PDE1A: variants seen among roughly 807,000 people sequenced by gnomAD.
PDE1A encodes the protein phosphodiesterase 1A.
Under a neutral mutation model 61.7 loss-of-function variants are expected in PDE1A, and 35 were observed. That is an observed-to-expected ratio of 0.57 (90% CI 0.43 to 0.75). The LOEUF is 0.75. PDE1A is among the 30% of genes least tolerant of loss of function. The pLI is 0.00. For synonymous variants in PDE1A, 232 were observed against 213.2 expected, an observed-to-expected ratio of 1.09 and a Z score of -0.77; for missense variants, 597 against 630.6, an observed-to-expected ratio of 0.95 and a Z score of 0.57.
intron 2 of PDE1A, among the ~76,000 whole-genome samples, chr2:182,467,062 A>G (rs1457448766): frequency 6.6e-6 from 1 of 151,780 alleles, no homozygotes; most frequent in African/African-American, 2.4e-5. Context: ...TGGGAAGGAG[A>G]AAGAAAGAAA....
intron 1 of PDE1A, among the ~76,000 whole-genome samples, chr2:182,364,488 A>ACAAACAACAAC (rs1268518939): frequency 6.9e-6 from 1 of 145,164 alleles, no homozygotes; most frequent in African/African-American, 2.6e-5. Flanking sequence ...AAAAAAAAAA[A>ACAAACAACAAC]AAAAAAAAAA....
intron 1 of PDE1A, among the ~76,000 whole-genome samples, chr2:182,363,581 G>A (rs2623439): frequency 0.79 from 120,059 of 152,002 alleles, 48,285 homozygotes; most frequent in East Asian, 1. Flanking sequence ...GGCAGAGGGA[G>A]TAACACACGC....
the PDE1A span, among the ~76,000 whole-genome samples, chr2:182,620,605 A>T: frequency 6.6e-6 from 1 of 152,230 alleles, no homozygotes; most frequent in Non-Finnish European, 1.5e-5. Flanking sequence ...AATGCTATGA[A>T]TCCAAGCCTC....
the PDE1A span, among the ~76,000 whole-genome samples, chr2:182,659,487 A>T: frequency 9.2e-5 from 14 of 152,222 alleles, no homozygotes; most frequent in Non-Finnish European, 2.1e-4. Context: ...TGAAATAGTC[A>T]TTCTTTGAAA....
intron 1 of PDE1A, among the ~76,000 whole-genome samples, chr2:182,310,050 T>C (rs1574315857): frequency 6.6e-6 from 1 of 152,240 alleles, no homozygotes; most frequent in East Asian, 1.9e-4. Flanking sequence ...ACAAGGAACA[T>C]ACTAAAGATA....
rs181797206 is a variant in PDE1A, at chr2:182,266,439, G to C, written c.54-2025C>G. On this transcript the variant is annotated intron_variant, in intron 1 of 13. Transcript: ENST00000351439. ...AAGATAGAGTTTTTGTTTTTCCATA[G>C]TCCTGCAATGGCTTAGAAATATACT... Among the ~76,000 whole-genome samples the C allele has an allele frequency of 5.9e-5, 9 of 152,198 alleles. No homozygotes were observed. In the East Asian group the frequency reaches 9.7e-4, roughly 16 times the overall value.
chr2:182,573,476 C>CA, the PDE1A span, among the ~76,000 whole-genome samples: 1 of 152,124 alleles, frequency 6.6e-6, no homozygotes, highest in East Asian at 1.9e-4. Flanking sequence ...CAGGGAAAAA[C>CA]AAACGAGGGG....
At chr2:182,142,472 T>C (rs538043413), downstream of PDE1A, 7 of 152,220 alleles carry the variant, frequency 4.6e-5, no homozygotes, top group Non-Finnish European at 1.0e-4. Context: ...TAATGCTCCA[T>C]TGTTGGACTG....
At chr2:182,217,945 T>C (rs1053204353) in intron 7 of PDE1A, among the ~76,000 whole-genome samples, 2 of 151,848 alleles carry the variant, frequency 1.3e-5, no homozygotes, top group Non-Finnish European at 2.9e-5. Flanking sequence ...CTATAAATCA[T>C]GCTGCTATAA....
At chr2:182,427,311 T>C (rs1345148547), upstream of PDE1A, among the ~76,000 whole-genome samples, 3 of 152,198 alleles carry the variant, frequency 2.0e-5, no homozygotes, top group Admixed American at 6.6e-5. Context: ...TATAATCTAA[T>C]AACCTCCTCT....
At chr2:182,390,492 T>C (rs545209099) in intron 1 of PDE1A, among the ~76,000 whole-genome samples, 21 of 152,292 alleles carry the variant, frequency 1.4e-4, no homozygotes, top group Admixed American at 4.6e-4. Flanking sequence ...GCTCCTAAGT[T>C]CACTGGATAA....
intron 1 of PDE1A, among the ~76,000 whole-genome samples, chr2:182,403,874 C>G (rs573021508): frequency 3.0e-4 from 46 of 152,086 alleles, no homozygotes; most frequent in African/African-American, 1.1e-3. Flanking sequence ...AGGATAAATA[C>G]CTAATGTAGA....
At chr2:182,154,970 T>A (rs1261478445) in intron 13 of PDE1A, among the ~76,000 whole-genome samples, 1 of 151,974 alleles carries the variant, frequency 6.6e-6, no homozygotes, top group Non-Finnish European at 1.5e-5. Context: ...AAGGCATTCA[T>A]ATTATGTAAT....
intron 2 of PDE1A, among the ~76,000 whole-genome samples, chr2:182,483,104 T>C (rs1687805076): frequency 6.6e-6 from 1 of 151,948 alleles, no homozygotes; most frequent in Non-Finnish European, 1.5e-5. Flanking sequence ...TCATTCATAA[T>C]GGTCAGAGGG....
chr2:182,382,155 C>T (rs926880869), intron 1 of PDE1A, among the ~76,000 whole-genome samples: 5 of 152,114 alleles, frequency 3.3e-5, no homozygotes, highest in Admixed American at 6.5e-5. Context: ...TATTACTCTG[C>T]TATGTTATAT....
intron 2 of PDE1A, among the ~76,000 whole-genome samples, chr2:182,495,147 A>T (rs1313125014): frequency 6.6e-6 from 1 of 152,170 alleles, no homozygotes; most frequent in Non-Finnish European, 1.5e-5. Context: ...TGCCCCTGAC[A>T]TTAGTACAAG....
At chr2:182,428,061 G>A (rs186147463), upstream of PDE1A, among the ~76,000 whole-genome samples, 449 of 152,256 alleles carry the variant, frequency 2.9e-3, 5 homozygotes, top group African/African-American at 0.01. Flanking sequence ...GATAAGGAAG[G>A]AGAAGAGAGT....
rs879945247 is a variant in PDE1A at position 182,256,721 on chromosome 2, A to AT, written c.167+7579dup. Among the ~76,000 whole-genome samples, 133 of 151,360 alleles carry AT rather than the reference A, an allele frequency of 8.8e-4. 1 individual carries two copies. The highest frequency in any genetic ancestry group is 2.9e-3 in the African/African-American group (120 of 41,252). On this transcript the variant is annotated intron_variant, in intron 2 of 13. Transcript: ENST00000351439. ...TCTTGACCTAATCTTTCTAGGAAGC[A>AT]TTTTTTTTTCTTGTCATGCTAAATA...
the PDE1A span, among the ~76,000 whole-genome samples, chr2:182,655,738 G>A: frequency 6.6e-6 from 1 of 152,196 alleles, no homozygotes; most frequent in African/African-American, 2.4e-5. Context: ...GGTCACCTCT[G>A]ACAGCACAGG....
Sources: gnomAD v4.1 joint callset for allele counts (sites outside exome capture counted in the v4.1 genomes callset) on GRCh38, gnomAD v4.1.1 for gene constraint, MANE v1.5 for transcripts, NCBI Gene and HGNC (gene_info 2026-07-23, HGNC 2026-07-21) for gene names.